PPP2R2B: variants seen among roughly 807,000 people sequenced by gnomAD.
The protein encoded by PPP2R2B is serine/threonine-protein phosphatase 2A 55 kDa regulatory subunit B beta isoform.
PPP2R2B carries 5 observed loss-of-function variants against 46.0 expected under a neutral mutation model. That is an observed-to-expected ratio of 0.11 (90% CI 0.06 to 0.23). The LOEUF (loss-of-function observed/expected upper bound fraction) is 0.23, where lower values mean the gene tolerates loss of function less well. Ranked by LOEUF, PPP2R2B falls within the 10% of genes least tolerant of loss-of-function variation. The pLI, the probability that PPP2R2B is intolerant of heterozygous loss-of-function variation, is 1.00. For synonymous variants in PPP2R2B, 215 were observed against 206.7 expected (o/e 1.04, Z -0.34); for missense variants, 367 against 575.0 (o/e 0.64, Z 3.70).
intron 2 of PPP2R2B, among the ~76,000 whole-genome samples, chr5:146,794,249 A>G (rs1756384219): frequency 6.6e-6 from 1 of 152,202 alleles, no homozygotes; most frequent in Admixed American, 6.5e-5. Flanking sequence ...GTCAATCATA[A>G]TCAATTTCCT....
At chr5:146,933,566 T>G (rs1020584395) in intron 1 of PPP2R2B, among the ~76,000 whole-genome samples, 1 of 152,100 alleles carries the variant, frequency 6.6e-6, no homozygotes, top group African/African-American at 2.4e-5. Context: ...CACTTTATTC[T>G]GAAATTTCTA....
rs867429328 is a variant in PPP2R2B at position 146,812,795 on chromosome 5, A to G, written c.70+65207T>C. Among the ~76,000 whole-genome samples, 43 of 34,024 alleles carry G rather than the reference A, an allele frequency of 1.3e-3. 4 individuals are homozygous for G. Among genetic ancestry groups the G allele is most frequent in the Non-Finnish European group, 1.7e-3 (33 of 19,016 alleles). The allele number at this position is 34,024 out of a possible 152,430, so 22.3% of individuals were successfully genotyped here. A position where few individuals can be genotyped will look rare whatever the true frequency, so the allele number is the denominator to read the frequency against. ...TGTGTGTGTGTGTGTATATGTGTGTATATATATATATATATATATATATAT... is the reference window on the plus strand; with the variant it reads ...TGTGTGTGTGTGTGTATATGTGTGTGTATATATATATATATATATATATAT... On this transcript the variant is annotated intron_variant, in intron 2 of 9. Coordinates refer to ENST00000394411, the MANE Select transcript of PPP2R2B (RefSeq NM_181675.4).
chr5:146,776,300 C>A (rs377071107), intron 2 of PPP2R2B, among the ~76,000 whole-genome samples: 1 of 151,988 alleles, frequency 6.6e-6, no homozygotes, highest in Non-Finnish European at 1.5e-5. Flanking sequence ...GGGATAACAA[C>A]GGTTTTATAT....
intron 7 of PPP2R2B, among the ~76,000 whole-genome samples, chr5:146,622,729 T>G (rs1773790088): frequency 6.6e-6 from 1 of 152,218 alleles, no homozygotes; most frequent in Non-Finnish European, 1.5e-5. Context: ...AACAATCACT[T>G]TCTTCTCTGA....
intron 5 of PPP2R2B, among the ~76,000 whole-genome samples, chr5:146,671,906 G>T (rs1015346359): frequency 6.6e-6 from 1 of 151,944 alleles, no homozygotes; most frequent in Non-Finnish European, 1.5e-5. Flanking sequence ...GAGGACTCGG[G>T]GACAGGTACA....
intron 2 of PPP2R2B, among the ~76,000 whole-genome samples, chr5:146,867,273 TG>T (rs1761365757): frequency 6.6e-6 from 1 of 152,164 alleles, no homozygotes; most frequent in African/African-American, 2.4e-5. Flanking sequence ...AAATCAAAAT[TG>T]GGCATGGTCT....
At chr5:147,044,370 T>A (rs1351507163) in intron 1 of PPP2R2B, among the ~76,000 whole-genome samples, 1 of 152,140 alleles carries the variant, frequency 6.6e-6, no homozygotes, top group African/African-American at 2.4e-5. Context: ...AGGGCACCTG[T>A]GAAGGGCTGG....
intron 1 of PPP2R2B, among the ~76,000 whole-genome samples, chr5:146,953,721 A>G (rs1188746866): frequency 6.6e-6 from 1 of 152,274 alleles, no homozygotes; most frequent in East Asian, 1.9e-4. Flanking sequence ...CACAATCTCC[A>G]TTAATTTTAT....
chr5:146,938,963 T>C (rs755640316), intron 1 of PPP2R2B, among the ~76,000 whole-genome samples: 1 of 152,010 alleles, frequency 6.6e-6, no homozygotes, highest in Non-Finnish European at 1.5e-5. Context: ...TGTATTTTAG[T>C]AGAGACAGGG....
intron 2 of PPP2R2B, among the ~76,000 whole-genome samples, chr5:146,714,116 G>T (rs1370189333): frequency 6.6e-6 from 1 of 152,094 alleles, no homozygotes; most frequent in Non-Finnish European, 1.5e-5. Flanking sequence ...AAAAAACAAA[G>T]AGAATGACCA....
intron 1 of PPP2R2B, among the ~76,000 whole-genome samples, chr5:146,934,583 G>GAAA (rs3062352): frequency 1.5e-3 from 48 of 31,500 alleles, no homozygotes; most frequent in Non-Finnish European, 2.2e-3. Flanking sequence ...TTTTTCATAA[G>GAAA]AAAAAAAAAA....
At chr5:146,654,160 G>C (rs147297583) in intron 5 of PPP2R2B, among the ~76,000 whole-genome samples, 67 of 152,232 alleles carry the variant, frequency 4.4e-4, no homozygotes, top group African/African-American at 1.4e-3. Context: ...ACTGAGTTTA[G>C]AACCCCTGAC....
At chr5:146,619,398 T>C (rs1773488741) in intron 7 of PPP2R2B, among the ~76,000 whole-genome samples, 1 of 151,872 alleles carries the variant, frequency 6.6e-6, no homozygotes, top group Admixed American at 6.6e-5. Context: ...GAGAATTGCT[T>C]GAACCTGGTA....
At chr5:146,693,013 G>A (rs1007113645) in intron 4 of PPP2R2B, among the ~76,000 whole-genome samples, 15 of 152,262 alleles carry the variant, frequency 9.9e-5, no homozygotes, top group Middle Eastern at 3.4e-3. Flanking sequence ...ACAAGGTAGG[G>A]TTTGGAATCA....
rs185222158 is a variant in PPP2R2B at position 146,987,467 on chromosome 5, C to T, written c.79+68198G>A. Among the ~76,000 whole-genome samples the T allele has an allele frequency of 6.4e-4, 97 of 151,848 alleles. 2 individuals carry two copies. The highest frequency in any genetic ancestry group is 5.9e-3 in the Admixed American group (90 of 15,250). On this transcript the variant is annotated intron_variant, in intron 1 of 8. Coordinates refer to the PPP2R2B transcript ENST00000336640. ...ATAAAAAGATGTAAACTGAAATATC[C>T]AAAAGACAAAATGTAGGGATAAGAT...
intron 1 of PPP2R2B, among the ~76,000 whole-genome samples, chr5:146,928,214 G>A (rs1336548442): frequency 3.4e-5 from 5 of 148,216 alleles, no homozygotes; most frequent in African/African-American, 1.2e-4. Context: ...TTCCTTTGGT[G>A]ATTTCATCGA....
intron 2 of PPP2R2B, among the ~76,000 whole-genome samples, chr5:146,816,950 C>T (rs1470992524): frequency 6.6e-6 from 1 of 152,196 alleles, no homozygotes; most frequent in African/African-American, 2.4e-5. Context: ...TCAATGCTGT[C>T]AAACAACATA....
At chr5:146,748,818 T>C (rs1753354652) in intron 2 of PPP2R2B, among the ~76,000 whole-genome samples, 1 of 152,262 alleles carries the variant, frequency 6.6e-6, no homozygotes, top group South Asian at 2.1e-4. Context: ...TTTTGGTAAT[T>C]ATGAATAATG....
At chr5:146,761,957 A>G (rs1205416340) in intron 2 of PPP2R2B, among the ~76,000 whole-genome samples, 1 of 152,184 alleles carries the variant, frequency 6.6e-6, no homozygotes, top group African/African-American at 2.4e-5. Context: ...GAATGATGGC[A>G]GAGAAGGGCT....
Sources: allele counts gnomAD v4.1 joint callset (sites outside exome capture counted in the v4.1 genomes callset), GRCh38; gene constraint gnomAD v4.1.1; transcripts MANE v1.5; gene names NCBI Gene and HGNC (gene_info 2026-07-23, HGNC 2026-07-21).